The following ADAMTS3 variants were observed in gnomAD, a reference collection of about 807,000 sequenced individuals.
ADAMTS3 encodes the protein ADAM metallopeptidase with thrombospondin type 1 motif 3.
ADAMTS3 carries 73 observed loss-of-function variants against 129.0 expected under a neutral mutation model. That is an observed-to-expected ratio of 0.57 (90% CI 0.47 to 0.69). ADAMTS3 has a LOEUF of 0.69. ADAMTS3 is among the 30% of genes least tolerant of loss of function. The pLI is 0.00. For synonymous variants in ADAMTS3, 477 were observed against 510.8 expected, an observed-to-expected ratio of 0.93 and a Z score of 0.89; for missense variants, 1,457 against 1,514.5, an observed-to-expected ratio of 0.96 and a Z score of 0.63.
chr4:72,380,535 A>G (rs1721260276), intron 4 of ADAMTS3, among the ~76,000 whole-genome samples: 1 of 152,182 alleles, frequency 6.6e-6, no homozygotes, highest in Non-Finnish European at 1.5e-5. Flanking sequence ...AGCATAGCCT[A>G]TTTCATCTAA....
intron 6 of ADAMTS3, 64 bp downstream of exon 6, chr4:72,322,950 A>G: frequency 7.8e-7 from 1 of 1,283,800 alleles, no homozygotes; most frequent in African/African-American, 1.5e-5. Context: ...AGCTTGAACA[A>G]TTTAGTCTTC....
At chr4:72,430,733 G>GA (rs915764843) in intron 3 of ADAMTS3, among the ~76,000 whole-genome samples, 43 of 150,828 alleles carry the variant, frequency 2.9e-4, no homozygotes, top group Admixed American at 5.9e-4. Context: ...CTAAATAAAG[G>GA]AAAAAAACCA....
intron 3 of ADAMTS3, among the ~76,000 whole-genome samples, chr4:72,519,524 G>C (rs1182111116): frequency 6.6e-6 from 1 of 152,044 alleles, no homozygotes; most frequent in Non-Finnish European, 1.5e-5. Context: ...TTTCTTGGAG[G>C]CTTTGTTCAT....
intron 4 of ADAMTS3, among the ~76,000 whole-genome samples, chr4:72,381,297 C>A (rs1037295365): frequency 1.4e-4 from 21 of 152,148 alleles, no homozygotes; most frequent in African/African-American, 4.6e-4. Context: ...TAGCTCCCAG[C>A]TTCCCACTGG....
chr4:72,431,298 A>G (rs765264119), intron 3 of ADAMTS3, among the ~76,000 whole-genome samples: 8 of 152,016 alleles, frequency 5.3e-5, no homozygotes, highest in Non-Finnish European at 7.4e-5. Flanking sequence ...ATAATACGTG[A>G]GGAGCATGAC....
chr4:72,551,191 T>C (rs2623542), intron 2 of ADAMTS3, among the ~76,000 whole-genome samples: 102,142 of 151,870 alleles, frequency 0.67, 34,511 homozygotes, highest in South Asian at 0.76. Context: ...CCATCTCCAC[T>C]GAAGGGAATT....
intron 3 of ADAMTS3, among the ~76,000 whole-genome samples, chr4:72,502,424 G>C (rs543623152): frequency 3.0e-4 from 46 of 152,054 alleles, no homozygotes; most frequent in Non-Finnish European, 5.6e-4. Flanking sequence ...AATAGTCTCT[G>C]AGAATCATTT....
intron 3 of ADAMTS3, among the ~76,000 whole-genome samples, chr4:72,547,283 G>A (rs1405977711): frequency 6.6e-6 from 1 of 152,168 alleles, no homozygotes; most frequent in African/African-American, 2.4e-5. Context: ...TATTGACTGA[G>A]AACAGGAAAG....
intron 3 of ADAMTS3, among the ~76,000 whole-genome samples, chr4:72,415,615 C>T (rs572576165): frequency 1.4e-3 from 208 of 151,788 alleles, no homozygotes; most frequent in African/African-American, 4.7e-3. Context: ...ATATATATAT[C>T]CCCCTCAAAC....
chr4:72,294,562 A>G (rs112589104), intron 19 of ADAMTS3, among the ~76,000 whole-genome samples: 2,983 of 152,174 alleles, frequency 0.02, 91 homozygotes, highest in African/African-American at 0.068. Context: ...GTACCCCATA[A>G]AAACATACAA....
intron 16 of ADAMTS3, 23 bp from the exon 17 acceptor site, chr4:72,304,103 C>G: frequency 1.2e-6 from 2 of 1,606,818 alleles, no homozygotes. Flanking sequence ...AAATGAGTAA[C>G]CAGCATACAT....
chr4:72,471,497 T>C (rs1719071132), intron 3 of ADAMTS3, among the ~76,000 whole-genome samples: 1 of 152,150 alleles, frequency 6.6e-6, no homozygotes, highest in African/African-American at 2.4e-5. Context: ...AATCAAAGAA[T>C]GTTCTCATTA....
At chr4:72,542,309 C>G (rs193073635) in intron 3 of ADAMTS3, among the ~76,000 whole-genome samples, 2 of 152,042 alleles carry the variant, frequency 1.3e-5, no homozygotes, top group Admixed American at 1.3e-4. Flanking sequence ...GGACTACAGG[C>G]GCCCACCACC....
intron 3 of ADAMTS3, among the ~76,000 whole-genome samples, chr4:72,489,849 T>G (rs1054561522): frequency 6.6e-6 from 1 of 151,870 alleles, no homozygotes; most frequent in Non-Finnish European, 1.5e-5. Context: ...CGGAACATAT[T>G]TCTCACAGAT....
intron 3 of ADAMTS3, among the ~76,000 whole-genome samples, chr4:72,547,383 G>C (rs1185368381): frequency 6.6e-6 from 1 of 152,162 alleles, no homozygotes; most frequent in South Asian, 2.1e-4. Flanking sequence ...AAACCCTGTT[G>C]ATTTCAGAAA....
chr4:72,383,392 T>C (rs1006834376), intron 4 of ADAMTS3, among the ~76,000 whole-genome samples: 1 of 152,224 alleles, frequency 6.6e-6, no homozygotes, highest in Non-Finnish European at 1.5e-5. Context: ...TAAGTCTATA[T>C]GAGTGGCTGA....
At chr4:72,563,372 C>T (rs1452279994) in intron 2 of ADAMTS3, among the ~76,000 whole-genome samples, 2 of 152,054 alleles carry the variant, frequency 1.3e-5, no homozygotes, top group Non-Finnish European at 2.9e-5. Flanking sequence ...TACAAAGGAT[C>T]CCCCTAAACC....
Position 72,322,956 on chromosome 4 carries a change from T to C in ADAMTS3, c.945+58A>G, listed in dbSNP as rs957903073. Reference sequence around the variant, plus strand: ...GTTAGATGTAGCTTGAACAATTTAGTCTTCTATTTGCTAACCCAGTCCCTA... The same window carrying C: ...GTTAGATGTAGCTTGAACAATTTAGCCTTCTATTTGCTAACCCAGTCCCTA... On this transcript the variant is annotated intron_variant, in intron 6 of 21. Coordinates refer to ENST00000286657, the MANE Select transcript of ADAMTS3 (RefSeq NM_014243.3). The C allele has an allele frequency of 2.3e-6, 3 of 1,312,008 alleles. No individual in the cohort carries two copies. The African/African-American group carries it at 4.4e-5, about 19-fold the overall frequency. 81.3% of individuals were successfully genotyped at this position (1,312,008 alleles called of 1,614,324 possible).
chr4:72,520,205 T>C (rs1720623239), intron 3 of ADAMTS3, among the ~76,000 whole-genome samples: 1 of 152,194 alleles, frequency 6.6e-6, no homozygotes, highest in Admixed American at 6.5e-5. Context: ...GGAAGTTTTG[T>C]CTCAGAGGAG....
Sources: gnomAD v4.1 joint callset for allele counts (sites outside exome capture counted in the v4.1 genomes callset) on GRCh38, gnomAD v4.1.1 for gene constraint, MANE v1.5 for transcripts, NCBI Gene and HGNC (gene_info 2026-07-23, HGNC 2026-07-21) for gene names.